The following MTOR variants were observed in gnomAD, a reference collection of about 807,000 sequenced individuals.
MTOR encodes the protein serine/threonine-protein kinase mTOR.
Under a neutral mutation model 319.8 loss-of-function variants are expected in MTOR, and 70 were observed. That is an observed-to-expected ratio of 0.22 (90% CI 0.18 to 0.27). The LOEUF (loss-of-function observed/expected upper bound fraction) is 0.27, where lower values mean the gene tolerates loss of function less well. MTOR is among the 10% of genes least tolerant of loss of function. The pLI is 1.00. For missense variants in MTOR, 1,890 were observed against 3,274.4 expected (o/e 0.58, Z 10.32); for synonymous variants, 1,183 against 1,211.4 (o/e 0.98, Z 0.49).
chr1:11,165,598 C>T lies in MTOR; in HGVS notation c.4329+1844G>A, dbSNP rs1557793961. The stretch of plus-strand genomic sequence containing the variant: ...CACTGCTCAACGAAATAAAAGAGGA[C>T]ACAAACAAATAGAAGAACATTCCAT... On this transcript the variant is annotated intron_variant, in intron 29 of 57. Coordinates refer to ENST00000361445, the MANE Select transcript of MTOR (RefSeq NM_004958.4). Among the ~76,000 whole-genome samples, 9 of 152,118 alleles carry T rather than the reference C, an allele frequency of 5.9e-5. No individual in the cohort carries two copies. The South Asian group carries it at 1.7e-3, about 28-fold the overall frequency.
At chr1:11,179,408 T>C (rs1262258987) in intron 28 of MTOR, among the ~76,000 whole-genome samples, 2 of 152,188 alleles carry the variant, frequency 1.3e-5, no homozygotes, top group African/African-American at 4.8e-5. Flanking sequence ...TCCCATTAAA[T>C]CTCCAGGTAG....
intron 54 of MTOR, 97 bp downstream of exon 54, chr1:11,112,755 G>C: frequency 7.9e-7 from 1 of 1,258,048 alleles, no homozygotes; most frequent in Non-Finnish European, 1.2e-6. Context: ...CCTCTGTAAC[G>C]TCCTGCGGGA....
In MTOR at chr1:11,256,056, C is replaced by T. The variant is rs968103570; in HGVS notation, c.641G>A (p.Arg214His). 1.6e-5 allele frequency: 26 copies of T among 1,613,964 alleles called. No individual in the cohort carries two copies. The highest frequency in any genetic ancestry group is 6.7e-5 in the East Asian group (3 of 44,880). The change falls in exon 5 of 58, where the codon CGT becomes CAT. Residue 214 changes from arginine (R) to histidine (H), a missense_variant. Transcript: ENST00000361445. ...CTGGGTTGTGAGAATCAGACAGGCA[C>T]GAAGGGCGGCTACAGCTCCCTCACG... Reference protein sequence around the residue: ...AIREGAVAALRACLILTTQRE... With the variant: ...AIREGAVAALHACLILTTQRE...
rs1482313329 is a variant in MTOR, at chr1:11,199,927, TTTTA to T, written c.3945-228_3945-225del. On this transcript the variant is annotated intron_variant, in intron 26 of 57. Transcript: ENST00000361445. The surrounding 1 kb of genome is among the most constrained non-coding windows in gnomAD (Gnocchi z 4.5). ...TGTGGCCAAGGAACTGAATTTTACA[TTTTA>T]TTTATTTTTAATTAACCACATATGG... Among the ~76,000 whole-genome samples, 3 of 152,124 alleles carry T rather than the reference TTTTA, an allele frequency of 2.0e-5. No individual in the cohort carries two copies. The highest frequency in any genetic ancestry group is 1.5e-5 in the Non-Finnish European group (1 of 68,022).
chr1:11,258,735 T>C, intron 2 of MTOR, 142 bp from the exon 3 acceptor site: 1 of 616,184 alleles, frequency 1.6e-6, no homozygotes, highest in Non-Finnish European at 2.9e-6. Context: ...CCCATTTCTA[T>C]AGGATTACAC....
chr1:11,239,521 G>A (rs1459823208), intron 11 of MTOR, among the ~76,000 whole-genome samples: 2 of 151,958 alleles, frequency 1.3e-5, no homozygotes, highest in Admixed American at 1.3e-4. Flanking sequence ...AATTTCAAAA[G>A]TATCAACTTC....
At chr1:11,189,890 A>G in intron 28 of MTOR, 1 of 1,614,130 alleles carries the variant, frequency 6.2e-7, no homozygotes, top group Non-Finnish European at 8.5e-7. Context: ...AAGTACTCCG[A>G]GATGAACAAC....
chr1:11,231,565 C>A, intron 16 of MTOR, 131 bp from the exon 17 acceptor site: 1 of 1,136,444 alleles, frequency 8.8e-7, no homozygotes, highest in Non-Finnish European at 1.2e-6. Flanking sequence ...AGTAAAGACA[C>A]TAACCATGAG....
At chr1:11,165,890 A>G (rs957092405) in intron 29 of MTOR, among the ~76,000 whole-genome samples, 3 of 152,224 alleles carry the variant, frequency 2.0e-5, no homozygotes, top group Non-Finnish European at 2.9e-5. Flanking sequence ...TGGTACCAAA[A>G]CAGAGATATA....
rs574974112 is a variant in MTOR at position 11,152,610 on chromosome 1, C to T, written c.4470-2384G>A. ...AGGCGTGGCTGCCTGCACCATAGGG[C>T]TGGGCAGGGCAGGGGGTGCGGGTTG... On this transcript the variant is annotated intron_variant, in intron 30 of 57. Transcript: ENST00000361445. Among the ~76,000 whole-genome samples the T allele has an allele frequency of 2.8e-4, 43 of 152,084 alleles. No homozygotes were observed. In the Middle Eastern group the frequency reaches 0.017, roughly 61 times the overall value.
intron 30 of MTOR, 138 bp downstream of exon 30, chr1:11,157,013 TG>T: frequency 8.8e-7 from 1 of 1,132,588 alleles, no homozygotes; most frequent in Non-Finnish European, 1.2e-6. Context: ...AAGTGAAAGA[TG>T]ATTCCTGAGA....
intron 8 of MTOR, among the ~76,000 whole-genome samples, chr1:11,245,717 C>T (rs1245448925): frequency 6.6e-6 from 1 of 152,152 alleles, no homozygotes; most frequent in South Asian, 2.1e-4. Flanking sequence ...CTGGGCAACA[C>T]AGTGAGATCC....
chr1:11,258,622 T>G, intron 2 of MTOR, 29 bp from the exon 3 acceptor site: 1 of 1,526,292 alleles, frequency 6.6e-7, no homozygotes, highest in Non-Finnish European at 9.1e-7. Context: ...TCAGAACAAT[T>G]TCTAATAATT....
chr1:11,227,811 G>A (rs1342530274), intron 19 of MTOR, among the ~76,000 whole-genome samples: 2 of 152,180 alleles, frequency 1.3e-5, no homozygotes, highest in Non-Finnish European at 1.5e-5. Context: ...ATCAACGGAT[G>A]CTAAAATCAC....
chr1:11,212,546 C>T lies in MTOR; in HGVS notation c.3399-72G>A. The T allele has an allele frequency of 6.5e-7, 1 of 1,538,026 alleles. No individual in the cohort carries two copies. The highest frequency in any genetic ancestry group is 8.8e-7 in the Non-Finnish European group (1 of 1,135,432). ...AGGAAGAGACGTGACTGAGGGTGAG[C>T]TTAACAATCAGCACCAAAGGGATGG... On this transcript the variant is annotated intron_variant, in intron 22 of 57. Coordinates refer to ENST00000361445, the MANE Select transcript of MTOR (RefSeq NM_004958.4). The surrounding 1 kb of genome is among the most constrained non-coding windows in gnomAD (Gnocchi z 4.1).
chr1:11,247,754 G>T (rs776416341), intron 7 of MTOR, 21 bp from the exon 8 acceptor site: 1 of 1,613,930 alleles, frequency 6.2e-7, no homozygotes, highest in South Asian at 1.1e-5. Context: ...AAGGATAAAG[G>T]GTTGGCAGGG....
rs1646930237 is a variant in MTOR, at chr1:11,228,857, G to A, written c.2841C>T (p.Tyr947=). The change falls in exon 19 of 58, where the codon TAC becomes TAT. Residue 947 remains tyrosine, a synonymous_variant. Transcript: ENST00000361445. Reference sequence around the variant, plus strand: ...TCAGGGCCACCATGGACACAGCTGGGTAGAACTCATCCAGAGGCAAGTTTC... The same window carrying A: ...TCAGGGCCACCATGGACACAGCTGGATAGAACTCATCCAGAGGCAAGTTTC... ...NMGNLPLDEF[Y]PAVSMVALMR... 6.2e-7 allele frequency: 1 copy of A among 1,614,066 alleles called. No homozygotes were observed. The highest frequency in any genetic ancestry group is 1.3e-5 in the African/African-American group (1 of 74,932).
Position 11,114,885 on chromosome 1 carries a change from A to G in MTOR, c.7092T>C (p.Val2364=). 2 of 1,613,848 alleles carry G rather than the reference A, an allele frequency of 1.2e-6. No individual in the cohort carries two copies. The highest frequency in any genetic ancestry group is 1.7e-6 in the Non-Finnish European group (2 of 1,179,766). ...LHIDFGDCFE[V]AMTREKFPEK... ...CTGGAAACTTCTCTCGGGTCATAGC[A>G]ACCTACAGAATAATAAATGGGAAAA... The change falls in exon 52 of 58, where the codon GTT becomes GTC. Residue 2364 remains valine, a splice_region_variant and synonymous_variant. Coordinates refer to ENST00000361445, the MANE Select transcript of MTOR (RefSeq NM_004958.4).
chr1:11,227,771 C>T (rs1203886474), intron 19 of MTOR, among the ~76,000 whole-genome samples: 1 of 152,134 alleles, frequency 6.6e-6, no homozygotes, highest in Non-Finnish European at 1.5e-5. Context: ...TTTGCAACCA[C>T]CAGTGTGATA....
Sources: gnomAD v4.1 joint callset for allele counts (sites outside exome capture counted in the v4.1 genomes callset) on GRCh38, gnomAD v4.1.1 for gene constraint, Gnocchi (gnomAD v3.1) non-coding constraint, MANE v1.5 for transcripts, NCBI Gene and HGNC (gene_info 2026-07-23, HGNC 2026-07-21) for gene names.